CR1L: variants seen among roughly 807,000 people sequenced by gnomAD.
CR1L encodes the protein complement C3b/C4b receptor 1 like.
In CR1L, 59 loss-of-function variants were observed where a neutral mutation model predicts 62.3. The ratio of observed to expected loss-of-function variants is 0.95; its 90% CI spans 0.77 to 1.18. The LOEUF is 1.18. CR1L is among the 50% of genes most tolerant of loss of function. CR1L has a pLI of 0.00. For missense variants in CR1L, 700 were observed against 702.8 expected, an observed-to-expected ratio of 1.00 and a Z score of 0.04; for synonymous variants, 279 against 248.7, an observed-to-expected ratio of 1.12 and a Z score of -1.15.
chr1:207,653,649 A>G (rs1019697674), intron 1 of CR1L, among the ~76,000 whole-genome samples: 1 of 152,246 alleles, frequency 6.6e-6, no homozygotes, highest in Admixed American at 6.5e-5. Flanking sequence ...TGAGACTGCT[A>G]CAATGTGAAG....
chr1:207,695,498 T>G (rs1409888105), intron 5 of CR1L, among the ~76,000 whole-genome samples: 2 of 152,166 alleles, frequency 1.3e-5, no homozygotes. Context: ...ACTTGCAGAC[T>G]GAAGACTGAA....
intron 1 of CR1L, among the ~76,000 whole-genome samples, chr1:207,663,094 G>T (rs1159564558): frequency 6.6e-6 from 1 of 152,206 alleles, no homozygotes; most frequent in East Asian, 1.9e-4. Context: ...TGGGGGTCAG[G>T]GACCCACTTG....
intron 9 of CR1L, among the ~76,000 whole-genome samples, chr1:207,707,691 A>C (rs1977268): frequency 0.64 from 97,215 of 151,848 alleles, 32,525 homozygotes; most frequent in East Asian, 0.87. Flanking sequence ...TTTGGTTTAA[A>C]CTTCTTGTCA....
At chr1:207,723,202 C>A (rs909066927) in intron 11 of CR1L, among the ~76,000 whole-genome samples, 55 of 152,018 alleles carry the variant, frequency 3.6e-4, no homozygotes, top group African/African-American at 1.3e-3. Context: ...GAGGCTGAGG[C>A]GGGCAGATCA....
At position 207,717,520 on chromosome 1, in the gene CR1L, CT is replaced by C. The variant is rs760496926; in HGVS notation, c.1473del (p.Gly492GlufsTer21). On this transcript the variant is annotated frameshift_variant, in exon 11 of 12. Coordinates refer to ENST00000508064, the MANE Select transcript of CR1L (RefSeq NM_175710.2). LOFTEE classifies it high-confidence loss of function. ...ILNGRHTGTP[L>X]GDIPYGKEVS... is the part of the protein sequence containing the mutation. ...TAATGGGAGACACACAGGAACTCCC[CT>C]TGGAGATATTCCCTATGGAAAAGAA... 1 of 1,613,746 alleles carries C rather than the reference CT, an allele frequency of 6.2e-7. No homozygotes were observed. Among genetic ancestry groups the C allele is most frequent in the Non-Finnish European group, 8.5e-7 (1 of 1,179,694 alleles).
intron 11 of CR1L, 72 bp downstream of exon 11, chr1:207,717,763 G>A: frequency 6.4e-7 from 1 of 1,555,224 alleles, no homozygotes; most frequent in Non-Finnish European, 8.8e-7. Context: ...TTTCTATAGT[G>A]ACAGTCATTT....
At chr1:207,693,511 C>T (rs570829070) in intron 4 of CR1L, among the ~76,000 whole-genome samples, 7 of 152,354 alleles carry the variant, frequency 4.6e-5, no homozygotes, top group South Asian at 4.1e-4. Context: ...TATCTCCTCT[C>T]ATGGCAGGAC....
At chr1:207,697,995 C>T in intron 7 of CR1L, 122 bp downstream of exon 7, 2 of 1,408,978 alleles carry the variant, frequency 1.4e-6, no homozygotes, top group Non-Finnish European at 1.9e-6. Flanking sequence ...CACACACACA[C>T]AATCAGAGAG....
At position 207,708,223 on chromosome 1, in the gene CR1L, C is replaced by G; in HGVS notation, c.1374C>G (p.Gly458=). The change falls in exon 10 of 12, where the codon GGC becomes GGG. Residue 458 remains glycine (G), a synonymous_variant. Coordinates refer to ENST00000508064, the MANE Select transcript of CR1L (RefSeq NM_175710.2). Reference sequence around the variant, plus strand: ...CATCTGCTGAATGTATCCTCTCGGGCAATACTGCCCATTGGAGCATGAAGC... The same window carrying G: ...CATCTGCTGAATGTATCCTCTCGGGGAATACTGCCCATTGGAGCATGAAGC... ...GHSSAECILS[G]NTAHWSMKPP... is the part of the protein sequence containing the mutation. 6.2e-7 allele frequency: 1 copy of G among 1,611,494 alleles called. No homozygotes were observed. Among genetic ancestry groups the G allele is most frequent in the Non-Finnish European group, 8.5e-7 (1 of 1,179,458 alleles).
intron 9 of CR1L, among the ~76,000 whole-genome samples, chr1:207,706,035 A>ATATATATATATATC (rs1664261880): frequency 6.8e-6 from 1 of 147,910 alleles, no homozygotes; most frequent in Non-Finnish European, 1.5e-5. Flanking sequence ...ATATATATAT[A>ATATATATATATATC]TATATATATA....
chr1:207,677,427 C>A lies in CR1L; in HGVS notation c.136C>A (p.Pro46Thr). 1.9e-6 allele frequency: 3 copies of A among 1,613,222 alleles called. No individual in the cohort carries two copies. The highest frequency in any genetic ancestry group is 2.5e-6 in the Non-Finnish European group (3 of 1,179,634). Residue 46 changes from proline to threonine, a missense_variant, in exon 2 of 12, where the codon CCT becomes ACT. Transcript: ENST00000508064. ...CCCGGAATGGCTTCCATTTGCCAGGCCTACCAACCTAACTGATGACTTTGA... is the reference window on the plus strand; with the variant it reads ...CCCGGAATGGCTTCCATTTGCCAGGACTACCAACCTAACTGATGACTTTGA... ...NVPEWLPFAR[P>T]TNLTDDFEFP...
At chr1:207,708,360 G>T in intron 10 of CR1L, 97 bp downstream of exon 10, 2 of 1,453,638 alleles carry the variant, frequency 1.4e-6, no homozygotes, top group Non-Finnish European at 1.9e-6. Context: ...CTTGGAAATG[G>T]TATCCTTCTG....
At chr1:207,706,352 C>T (rs1664267814) in intron 9 of CR1L, among the ~76,000 whole-genome samples, 1 of 151,796 alleles carries the variant, frequency 6.6e-6, no homozygotes, top group Non-Finnish European at 1.5e-5. Flanking sequence ...GCCCGAGAGG[C>T]TGAGGCTTCA....
chr1:207,717,635 A>G lies in CR1L; in HGVS notation c.1586A>G (p.His529Arg). ...ESTIRRTSEP[H>R]GNGVWSSPAP... Reference sequence around the variant, plus strand: ...ACCATCCGCCGCACAAGTGAACCTCATGGGAATGGGGTTTGGAGCAGCCCT... The same window carrying G: ...ACCATCCGCCGCACAAGTGAACCTCGTGGGAATGGGGTTTGGAGCAGCCCT... The change falls in exon 11 of 12, where the codon CAT becomes CGT. Residue 529 changes from histidine (H) to arginine (R), a missense_variant. Transcript: ENST00000508064. 7 of 1,611,486 alleles carry G rather than the reference A, an allele frequency of 4.3e-6. No individual in the cohort carries two copies. The highest frequency in any genetic ancestry group is 4.0e-5 in the African/African-American group (3 of 74,972).
chr1:207,695,539 C>G (rs1664064165), intron 5 of CR1L, among the ~76,000 whole-genome samples: 1 of 152,170 alleles, frequency 6.6e-6, no homozygotes, highest in African/African-American at 2.4e-5. Context: ...AGAGACTTGG[C>G]TTTGCTAGTC....
In CR1L at chr1:207,697,624, G is replaced by A. The variant is rs781437849; in HGVS notation, c.984G>A (p.Thr328=). 9.9e-6 allele frequency: 16 copies of A among 1,613,958 alleles called. No homozygotes were observed. Among genetic ancestry groups the A allele is most frequent in the African/African-American group, 2.7e-5 (2 of 75,032 alleles). Residue 328 remains threonine, a synonymous_variant, in exon 6 of 12, where the codon ACG becomes ACA. Transcript: ENST00000508064. The part of the protein sequence containing the change: ...CEPGYDLRGS[T]YLHCTPQGDW... ...CCGGCTACGACCTCAGAGGATCTACGTATTTGCACTGCACACCCCAGGGAG... is the reference window on the plus strand; with the variant it reads ...CCGGCTACGACCTCAGAGGATCTACATATTTGCACTGCACACCCCAGGGAG...
intron 8 of CR1L, among the ~76,000 whole-genome samples, chr1:207,699,766 G>C (rs773521196): frequency 2.0e-5 from 3 of 152,026 alleles, no homozygotes; most frequent in Non-Finnish European, 4.4e-5. Context: ...CACATACTTT[G>C]TGCCTCTGTT....
rs1664340884 is a variant in CR1L, at chr1:207,710,644, T to C, written c.1414+2381T>C. On this transcript the variant is annotated intron_variant, in intron 10 of 11. Coordinates refer to ENST00000508064, the MANE Select transcript of CR1L (RefSeq NM_175710.2). The stretch of plus-strand genomic sequence containing the variant: ...ATGTGGAAAATGGAATATTGGTGTC[T>C]GACAACAGAAGCTTATTTTCCTTAA... 3.1e-6 allele frequency: 5 copies of C among 1,609,982 alleles called. No individual in the cohort carries two copies. The Admixed American group carries it at 6.7e-5, about 21-fold the overall frequency.
intron 4 of CR1L, among the ~76,000 whole-genome samples, chr1:207,686,813 C>G (rs55952744): frequency 0.06 from 9,198 of 152,058 alleles, 612 homozygotes; most frequent in East Asian, 0.36. Context: ...GGGAGTGAGG[C>G]CTTTGGAAGG....
Sources: allele counts gnomAD v4.1 joint callset (sites outside exome capture counted in the v4.1 genomes callset), GRCh38; gene constraint gnomAD v4.1.1; transcripts MANE v1.5; gene names NCBI Gene and HGNC (gene_info 2026-07-23, HGNC 2026-07-21).